Variants in DENND2C observed in about 807,000 individuals in gnomAD.
The protein encoded by DENND2C is DENN domain-containing protein 2C.
DENND2C carries 72 observed loss-of-function variants against 112.4 expected under a neutral mutation model. The observed-to-expected ratio is 0.64, with a 90% CI of 0.53 to 0.78. The LOEUF (loss-of-function observed/expected upper bound fraction) is 0.78, where lower values mean the gene tolerates loss of function less well. Among genes scored for constraint, DENND2C ranks in the 30% least tolerant of loss-of-function variants. The pLI is 0.00. For missense variants in DENND2C, 992 were observed against 1,113.8 expected (o/e 0.89, Z 1.56); for synonymous variants, 329 against 381.6 (o/e 0.86, Z 1.61).
intron 8 of DENND2C, among the ~76,000 whole-genome samples, chr1:114,616,712 G>C (rs889905033): frequency 6.6e-6 from 1 of 152,052 alleles, no homozygotes; most frequent in Non-Finnish European, 1.5e-5. Context: ...AAAATTAGCC[G>C]GGTGTGGTGG....
chr1:114,659,549 G>C (rs1657430788), intron 1 of DENND2C, among the ~76,000 whole-genome samples: 2 of 152,142 alleles, frequency 1.3e-5, no homozygotes, highest in African/African-American at 4.8e-5. Context: ...ATGCTTGAAA[G>C]ATACAGTAGC....
intron 12 of DENND2C, 29 bp downstream of exon 12, chr1:114,602,096 C>T (rs1557941535): frequency 6.8e-6 from 11 of 1,611,920 alleles, no homozygotes; most frequent in Admixed American, 1.7e-5. Flanking sequence ...CTTGACCAAC[C>T]CTGTCTGTAA....
chr1:114,622,851 T>G (rs222502), intron 6 of DENND2C, 136 bp downstream of exon 6: 3 of 506,414 alleles, frequency 5.9e-6, no homozygotes, highest in Non-Finnish European at 9.5e-6. Context: ...AAACAAAAAT[T>G]AAAAAAACTA....
chr1:114,628,575 G>A (rs1389052487), intron 3 of DENND2C, among the ~76,000 whole-genome samples: 8 of 152,172 alleles, frequency 5.3e-5, no homozygotes. Flanking sequence ...ATCTATGACT[G>A]TTACTGATAA....
At chr1:114,669,518 C>G (rs965547202) in intron 1 of DENND2C, among the ~76,000 whole-genome samples, 2 of 152,150 alleles carry the variant, frequency 1.3e-5, no homozygotes, top group Admixed American at 6.5e-5. Context: ...GTATTAGATG[C>G]TGTTAAGAAT....
At chr1:114,664,467 G>GTATT (rs1056319014) in intron 1 of DENND2C, among the ~76,000 whole-genome samples, 135 of 151,588 alleles carry the variant, frequency 8.9e-4, no homozygotes, top group African/African-American at 3.2e-3. Flanking sequence ...AAAAATTTAT[G>GTATT]TATTTATTTA....
chr1:114,656,598 G>T (rs1255450076), intron 1 of DENND2C, among the ~76,000 whole-genome samples: 3 of 151,680 alleles, frequency 2.0e-5, no homozygotes, highest in Admixed American at 2.0e-4. Flanking sequence ...TAGTTTCACC[G>T]TGTTGGCCAG....
chr1:114,628,319 C>CAAAAAAA (rs760000537), intron 3 of DENND2C, among the ~76,000 whole-genome samples: 1 of 71,934 alleles, frequency 1.4e-5, no homozygotes, highest in Non-Finnish European at 2.8e-5. Flanking sequence ...GACCCCAACT[C>CAAAAAAA]AAAAAAAAAA....
intron 8 of DENND2C, among the ~76,000 whole-genome samples, chr1:114,613,482 A>G (rs1655877625): frequency 1.3e-5 from 2 of 152,244 alleles, no homozygotes; most frequent in Non-Finnish European, 2.9e-5. Flanking sequence ...TAAATATTGC[A>G]TATTACATAT....
Position 114,587,905 on chromosome 1 carries a change from CAAAA to C in DENND2C, c.2475_2478del (p.Phe825LeufsTer5). Reference sequence around the variant, plus strand: ...AAAGAATAATGTCCTACCAACTCCACAAAAAACCTGACAAATGCTTCGGACACCA... The same window carrying C: ...AAAGAATAATGTCCTACCAACTCCACAACCTGACAAATGCTTCGGACACCA... On this transcript the variant is annotated frameshift_variant, in exon 19 of 21. Coordinates refer to ENST00000393274, the MANE Select transcript of DENND2C (RefSeq NM_001256404.2). LOFTEE classifies it high-confidence loss of function. 6.2e-7 allele frequency: 1 copy of C among 1,614,040 alleles called. No homozygotes were observed. The highest frequency in any genetic ancestry group is 8.5e-7 in the Non-Finnish European group (1 of 1,180,014).
intron 7 of DENND2C, among the ~76,000 whole-genome samples, chr1:114,619,385 A>T (rs1285667101): frequency 3.3e-5 from 5 of 152,206 alleles, no homozygotes; most frequent in Non-Finnish European, 7.3e-5. Flanking sequence ...AATTGTTAGG[A>T]ACATTATATA....
At chr1:114,632,119 G>C (rs1255286664) in intron 3 of DENND2C, among the ~76,000 whole-genome samples, 2 of 152,054 alleles carry the variant, frequency 1.3e-5, no homozygotes, top group African/African-American at 4.8e-5. Flanking sequence ...ACAAAGTGAA[G>C]AAAAAAAGCT....
At chr1:114,633,458 A>G (rs1426918294) in intron 3 of DENND2C, among the ~76,000 whole-genome samples, 9 of 149,458 alleles carry the variant, frequency 6.0e-5, no homozygotes, top group South Asian at 2.1e-4. Context: ...AAAAAAAAAA[A>G]AAAAGAAAAA....
At chr1:114,625,141 A>G in intron 4 of DENND2C, 38 bp downstream of exon 4, 1 of 1,530,658 alleles carries the variant, frequency 6.5e-7, no homozygotes, top group Non-Finnish European at 8.7e-7. Context: ...CTGTAAGGAA[A>G]ATACCTACAA....
intron 18 of DENND2C, 142 bp from the exon 19 acceptor site, chr1:114,588,094 A>G (rs987864873): frequency 8.2e-6 from 6 of 731,286 alleles, no homozygotes; most frequent in African/African-American, 1.8e-5. Flanking sequence ...TTCATTCTTC[A>G]CTTTCTTTCT....
At chr1:114,612,706 G>T (rs1655856222) in intron 8 of DENND2C, among the ~76,000 whole-genome samples, 1 of 152,146 alleles carries the variant, frequency 6.6e-6, no homozygotes, top group African/African-American at 2.4e-5. Flanking sequence ...TTTTAGTAGA[G>T]ACAGGGTTTC....
intron 3 of DENND2C, among the ~76,000 whole-genome samples, chr1:114,629,253 A>G (rs762269810): frequency 1.3e-5 from 2 of 152,168 alleles, no homozygotes; most frequent in Non-Finnish European, 2.9e-5. Context: ...TGAACAATAG[A>G]AGTATAAACA....
chr1:114,666,443 T>C (rs1227509896), intron 1 of DENND2C, among the ~76,000 whole-genome samples: 1 of 152,176 alleles, frequency 6.6e-6, no homozygotes, highest in Non-Finnish European at 1.5e-5. Context: ...AAGACTTTTT[T>C]CCCTCTTTTT....
At chr1:114,617,164 G>T (rs1409162123) in intron 8 of DENND2C, among the ~76,000 whole-genome samples, 1 of 152,100 alleles carries the variant, frequency 6.6e-6, no homozygotes, top group Non-Finnish European at 1.5e-5. Context: ...AGATTTGGGT[G>T]GGGACACAGC....
Sources: gnomAD v4.1 joint callset for allele counts (sites outside exome capture counted in the v4.1 genomes callset) on GRCh38, gnomAD v4.1.1 for gene constraint, MANE v1.5 for transcripts, NCBI Gene and HGNC (gene_info 2026-07-23, HGNC 2026-07-21) for gene names.